AFAP1L1: variants seen among roughly 807,000 people sequenced by gnomAD.
AFAP1L1 encodes the protein actin filament associated protein 1 like 1.
A neutral mutation model predicts 99.8 loss-of-function variants in AFAP1L1; 77 were observed. That is an observed-to-expected ratio of 0.77 (90% CI 0.64 to 0.93). The LOEUF (loss-of-function observed/expected upper bound fraction) is 0.93, where lower values mean the gene tolerates loss of function less well. Ranked by LOEUF, AFAP1L1 falls within the 40% of genes least tolerant of loss-of-function variation. The pLI, the probability that AFAP1L1 is intolerant of heterozygous loss-of-function variation, is 0.00. For missense variants in AFAP1L1, 893 were observed against 996.8 expected (o/e 0.90, Z 1.40); for synonymous variants, 373 against 395.3 (o/e 0.94, Z 0.67).
Position 149,305,077 on chromosome 5 carries a change from T to C in AFAP1L1, c.437-1229T>C, listed in dbSNP as rs1756366081. ...CTACAAAATGGGGCTGATATCTACC[T>C]CCCTGCCTTGTGGGAATCAAAGGAG... On this transcript the variant is annotated intron_variant, in intron 5 of 18. Coordinates refer to ENST00000296721, the MANE Select transcript of AFAP1L1 (RefSeq NM_152406.4). Among the ~76,000 whole-genome samples the C allele has an allele frequency of 2.6e-5, 4 of 152,294 alleles. No individual in the cohort carries two copies. The South Asian group carries it at 8.3e-4, about 32-fold the overall frequency.
chr5:149,327,398 TGCAG>T (rs1757126979), intron 15 of AFAP1L1, among the ~76,000 whole-genome samples: 1 of 152,148 alleles, frequency 6.6e-6, no homozygotes, highest in Non-Finnish European at 1.5e-5. Flanking sequence ...GGCTTCATAC[TGCAG>T]GAGGAAATAG....
At chr5:149,303,820 A>G (rs1309782018) in intron 5 of AFAP1L1, among the ~76,000 whole-genome samples, 1 of 152,224 alleles carries the variant, frequency 6.6e-6, no homozygotes, top group Non-Finnish European at 1.5e-5. Flanking sequence ...ACTCTTTTCT[A>G]TTACTGTTTG....
At chr5:149,276,308 A>G (rs779572074) in intron 1 of AFAP1L1, among the ~76,000 whole-genome samples, 3 of 152,250 alleles carry the variant, frequency 2.0e-5, no homozygotes, top group Non-Finnish European at 2.9e-5. Flanking sequence ...CTCTTCCAAC[A>G]GGGTATGTGT....
At chr5:149,327,915 A>T (rs189578495) in intron 15 of AFAP1L1, among the ~76,000 whole-genome samples, 1 of 152,344 alleles carries the variant, frequency 6.6e-6, no homozygotes, top group African/African-American at 2.4e-5. Flanking sequence ...AAATTTATTG[A>T]AAAACATTAA....
intron 1 of AFAP1L1, among the ~76,000 whole-genome samples, chr5:149,277,438 C>G (rs1052556662): frequency 1.6e-4 from 25 of 152,170 alleles, no homozygotes; most frequent in African/African-American, 5.8e-4. Context: ...GTCCATTGAC[C>G]AGGCAGCCTG....
At chr5:149,322,852 A>G (rs1756993957) in intron 15 of AFAP1L1, 135 bp downstream of exon 15, 2 of 690,202 alleles carry the variant, frequency 2.9e-6, no homozygotes, top group Non-Finnish European at 4.9e-6. Context: ...ACTCTACCGT[A>G]AGAAAAATCA....
At chr5:149,281,911 T>C (rs1755530629) in intron 1 of AFAP1L1, among the ~76,000 whole-genome samples, 1 of 152,200 alleles carries the variant, frequency 6.6e-6, no homozygotes, top group Admixed American at 6.5e-5. Flanking sequence ...TGAGGGGGTA[T>C]AGCCGGGCAG....
intron 16 of AFAP1L1, among the ~76,000 whole-genome samples, chr5:149,330,634 C>T (rs1757229287): frequency 6.6e-6 from 1 of 152,100 alleles, no homozygotes; most frequent in African/African-American, 2.4e-5. Context: ...TGGCCAAGAA[C>T]CAGAATCAAT....
intron 17 of AFAP1L1, among the ~76,000 whole-genome samples, chr5:149,333,456 T>C (rs1200353457): frequency 6.6e-6 from 1 of 152,202 alleles, no homozygotes; most frequent in Admixed American, 6.5e-5. Context: ...ACATGCCCTC[T>C]CCTGAGATCT....
At chr5:149,285,786 C>T (rs1755660635) in intron 1 of AFAP1L1, among the ~76,000 whole-genome samples, 1 of 152,212 alleles carries the variant, frequency 6.6e-6, no homozygotes, top group Non-Finnish European at 1.5e-5. Context: ...AGCACATCTG[C>T]TCCACCCCTT....
At chr5:149,290,480 G>C (rs879450838) in intron 1 of AFAP1L1, among the ~76,000 whole-genome samples, 1 of 152,132 alleles carries the variant, frequency 6.6e-6, no homozygotes, top group Non-Finnish European at 1.5e-5. Context: ...TACACAGTTT[G>C]GAAATTGGGG....
At chr5:149,300,090 G>C (rs977017348) in intron 2 of AFAP1L1, among the ~76,000 whole-genome samples, 181 bp from the exon 3 acceptor site, 17 of 152,208 alleles carry the variant, frequency 1.1e-4, no homozygotes, top group Non-Finnish European at 1.9e-4. Context: ...CTTGGAGAAA[G>C]AGATCCTCAA....
chr5:149,319,359 A>T (rs1756887728), intron 12 of AFAP1L1, among the ~76,000 whole-genome samples: 1 of 152,122 alleles, frequency 6.6e-6, no homozygotes, highest in Admixed American at 6.5e-5. Context: ...GTCATCAGGG[A>T]GGGCCTCCCT....
At chr5:149,315,679 A>G (rs1756770499) in intron 9 of AFAP1L1, 142 bp from the exon 10 acceptor site, 1 of 694,830 alleles carries the variant, frequency 1.4e-6, no homozygotes. Flanking sequence ...GTATGGTATG[A>G]GGCACAGGAT....
At chr5:149,332,207 G>C (rs977380613) in intron 16 of AFAP1L1, among the ~76,000 whole-genome samples, 3 of 152,206 alleles carry the variant, frequency 2.0e-5, no homozygotes, top group African/African-American at 7.2e-5. Flanking sequence ...GACTAGCCTG[G>C]CCAACATGGC....
At chr5:149,314,235 C>T (rs1756728149) in intron 9 of AFAP1L1, among the ~76,000 whole-genome samples, 1 of 152,146 alleles carries the variant, frequency 6.6e-6, no homozygotes, top group African/African-American at 2.4e-5. Flanking sequence ...TTAGCCTTTG[C>T]CATTGGTGAG....
At chr5:149,293,951 C>T (rs1581302995) in intron 1 of AFAP1L1, among the ~76,000 whole-genome samples, 1 of 152,186 alleles carries the variant, frequency 6.6e-6, no homozygotes, top group Non-Finnish European at 1.5e-5. Flanking sequence ...CCCCAGAGCC[C>T]TAGCCACTGC....
At chr5:149,326,984 G>C (rs553132880) in intron 15 of AFAP1L1, among the ~76,000 whole-genome samples, 1 of 152,240 alleles carries the variant, frequency 6.6e-6, no homozygotes, top group East Asian at 1.9e-4. Context: ...CGGTTGGGGG[G>C]ATGCATATCA....
intron 15 of AFAP1L1, among the ~76,000 whole-genome samples, chr5:149,327,777 A>C (rs1446771783): frequency 6.6e-6 from 1 of 152,172 alleles, no homozygotes; most frequent in Non-Finnish European, 1.5e-5. Flanking sequence ...AAAATGACAG[A>C]GCCTCAGAGG....
Sources: allele counts gnomAD v4.1 joint callset (sites outside exome capture counted in the v4.1 genomes callset), GRCh38; gene constraint gnomAD v4.1.1; transcripts MANE v1.5; gene names NCBI Gene and HGNC (gene_info 2026-07-23, HGNC 2026-07-21).